The following RIMBP2 variants were observed in gnomAD, a reference collection of about 807,000 sequenced individuals.
RIMBP2 encodes RIMS-binding protein 2.
RIMBP2 carries 48 observed loss-of-function variants against 118.6 expected under a neutral mutation model. The ratio of observed to expected loss-of-function variants is 0.40; its 90% CI spans 0.32 to 0.51. The LOEUF (loss-of-function observed/expected upper bound fraction) is 0.51. Among genes scored for constraint, RIMBP2 ranks in the 20% least tolerant of loss-of-function variants. The probability of loss-of-function intolerance (pLI) is 0.41; values close to 1 mark genes in which losing one functional copy is unlikely to be tolerated. For synonymous variants in RIMBP2, 762 were observed against 742.9 expected (o/e 1.03, Z -0.42); for missense variants, 1,551 against 1,768.3 (o/e 0.88, Z 2.20).
At chr12:130,714,914 G>C (rs948164106) in intron 1 of RIMBP2, among the ~76,000 whole-genome samples, 18 of 152,226 alleles carry the variant, frequency 1.2e-4, no homozygotes, top group Admixed American at 2.0e-4. Flanking sequence ...CCATGTGCGT[G>C]GGGGAGGTGG....
Position 130,469,726 on chromosome 12 carries a change from C to T in RIMBP2, c.153+967G>A, listed in dbSNP as rs1464742431. Among the ~76,000 whole-genome samples the T allele has an allele frequency of 3.9e-5, 6 of 152,232 alleles. No individual in the cohort carries two copies. The highest frequency in any genetic ancestry group is 8.8e-5 in the Non-Finnish European group (6 of 68,040). On this transcript the variant is annotated intron_variant, in intron 6 of 22. Coordinates refer to ENST00000690449, the MANE Select transcript of RIMBP2 (RefSeq NM_001393629.1). The surrounding 1 kb of genome is among the most constrained non-coding windows in gnomAD (Gnocchi z 4.8). ...GCACATAGCCCGTTTTAAGTGGCTG[C>T]TGCTCCCCCAGGGACACAGGACAAG...
intron 2 of RIMBP2, among the ~76,000 whole-genome samples, chr12:130,594,173 G>T (rs1486172391): frequency 6.6e-6 from 1 of 152,196 alleles, no homozygotes; most frequent in Middle Eastern, 3.2e-3. Flanking sequence ...TCACTTTTGG[G>T]AAGAACCTTC....
intron 1 of RIMBP2, among the ~76,000 whole-genome samples, chr12:130,639,610 C>T (rs932189736): frequency 4.6e-5 from 7 of 151,698 alleles, no homozygotes; most frequent in African/African-American, 1.7e-4. Flanking sequence ...TACACCATTC[C>T]GGGTCAGTGG....
At chr12:130,590,972 G>A (rs117136459) in intron 2 of RIMBP2, among the ~76,000 whole-genome samples, 30 of 152,298 alleles carry the variant, frequency 2.0e-4, no homozygotes, top group African/African-American at 6.0e-4. Flanking sequence ...AGACTCTAGC[G>A]TTCAACATCA....
intron 1 of RIMBP2, among the ~76,000 whole-genome samples, chr12:130,676,339 C>T (rs973648902): frequency 2.5e-4 from 32 of 129,502 alleles, no homozygotes; most frequent in Non-Finnish European, 4.5e-4. Flanking sequence ...AAAAAAAAAA[C>T]GGGGGCCAGG....
chr12:130,421,880 G>A (rs76346437), intron 17 of RIMBP2, among the ~76,000 whole-genome samples: 7,204 of 152,306 alleles, frequency 0.047, 456 homozygotes, highest in Admixed American at 0.19. Context: ...CTTTCAGCAT[G>A]GCTGGCTGAA....
intron 2 of RIMBP2, among the ~76,000 whole-genome samples, chr12:130,531,152 C>T (rs535610171): frequency 6.6e-6 from 1 of 152,296 alleles, no homozygotes; most frequent in Non-Finnish European, 1.5e-5. Flanking sequence ...AAATTCCTTT[C>T]CAGATGGATT....
chr12:130,604,842 A>G (rs1260047530), intron 2 of RIMBP2, among the ~76,000 whole-genome samples: 1 of 148,548 alleles, frequency 6.7e-6, no homozygotes, highest in African/African-American at 2.5e-5. Context: ...TCGGCCTCCC[A>G]AAGTGCTGGG....
intron 1 of RIMBP2, among the ~76,000 whole-genome samples, chr12:130,668,802 T>C (rs1170473587): frequency 4.6e-5 from 7 of 152,208 alleles, no homozygotes; most frequent in Non-Finnish European, 1.0e-4. Context: ...TGCCGTGCCA[T>C]GCCAAGCTAT....
chr12:130,664,413 A>ACACGCACGCACACGCACG (rs1555320872), intron 1 of RIMBP2, among the ~76,000 whole-genome samples: 11 of 121,324 alleles, frequency 9.1e-5, no homozygotes, highest in African/African-American at 3.0e-4. Flanking sequence ...GCACGCACGC[A>ACACGCACGCACACGCACG]CACACACGCA....
At chr12:130,592,889 G>A (rs952260971) in intron 2 of RIMBP2, among the ~76,000 whole-genome samples, 15 of 152,232 alleles carry the variant, frequency 9.9e-5, no homozygotes, top group Middle Eastern at 3.4e-3. Context: ...TGTCGGGAGC[G>A]GTGAGAGCGA....
intron 3 of RIMBP2, among the ~76,000 whole-genome samples, chr12:130,515,884 G>A (rs2139021389): frequency 6.6e-6 from 1 of 152,198 alleles, no homozygotes; most frequent in East Asian, 1.9e-4. Context: ...TTTTAGTAGA[G>A]ATGGGGTTTT....
At chr12:130,502,314 G>A (rs762845922) in intron 4 of RIMBP2, among the ~76,000 whole-genome samples, 2 of 152,228 alleles carry the variant, frequency 1.3e-5, no homozygotes, top group Admixed American at 6.5e-5. Context: ...GGTTTGTTAT[G>A]CAGTCTTATT....
At chr12:130,398,965 A>C (rs1284200161) in intron 22 of RIMBP2, 1 of 374,378 alleles carries the variant, frequency 2.7e-6, no homozygotes. Context: ...GTAATATTCT[A>C]ATTATTTAGG....
At chr12:130,519,503 T>A (rs2139090488) in intron 2 of RIMBP2, among the ~76,000 whole-genome samples, 1 of 152,354 alleles carries the variant, frequency 6.6e-6, no homozygotes, top group Non-Finnish European at 1.5e-5. Flanking sequence ...CTGGATGGCA[T>A]AACATTTATT....
At position 130,582,462 on chromosome 12, in the gene RIMBP2, G is replaced by A. The variant is rs190973464; in HGVS notation, c.-217+45860C>T. Among the ~76,000 whole-genome samples, 30 of 152,254 alleles carry A rather than the reference G, an allele frequency of 2.0e-4. 1 individual carries two copies. Among genetic ancestry groups the A allele is most frequent in the Admixed American group, 1.4e-3 (21 of 15,294 alleles). ...TTCCAGCCCATGCTCTTCCTGCCAC[G>A]CCCGCCCACCTGCAGTCAGGAAGCA... On this transcript the variant is annotated intron_variant, in intron 2 of 22. Coordinates refer to ENST00000690449, the MANE Select transcript of RIMBP2 (RefSeq NM_001393629.1).
At chr12:130,601,335 CAAAAAAAAAA>C (rs35127958) in intron 2 of RIMBP2, among the ~76,000 whole-genome samples, 16 of 63,080 alleles carry the variant, frequency 2.5e-4, no homozygotes, top group South Asian at 9.4e-4. Context: ...AGAGGGCAGG[CAAAAAAAAAA>C]AAAAAAAAAA....
chr12:130,534,222 GGGTGGTGGGAGGGAGTGGGA>G (rs1157815873), intron 2 of RIMBP2, among the ~76,000 whole-genome samples: 2 of 147,424 alleles, frequency 1.4e-5, no homozygotes, highest in African/African-American at 5.0e-5. Context: ...AACCTTAGAA[GGGTGGTGGGAGGGAGTGGGA>G]GGTGGTGGGA....
At chr12:130,489,832 C>T in intron 4 of RIMBP2, among the ~76,000 whole-genome samples, 1 of 152,170 alleles carries the variant, frequency 6.6e-6, no homozygotes, top group East Asian at 1.9e-4. Context: ...ATTGATGACA[C>T]ATTTCTATCA....
Sources: gnomAD v4.1 joint callset for allele counts (sites outside exome capture counted in the v4.1 genomes callset) on GRCh38, gnomAD v4.1.1 for gene constraint, Gnocchi (gnomAD v3.1) non-coding constraint, MANE v1.5 for transcripts, NCBI Gene and HGNC (gene_info 2026-07-23, HGNC 2026-07-21) for gene names.